Variants in SLC44A5 observed in about 807,000 individuals in gnomAD.
SLC44A5 encodes the protein solute carrier family 44 member 5.
SLC44A5 carries 57 observed loss-of-function variants against 101.8 expected under a neutral mutation model. That is an observed-to-expected ratio of 0.56 (90% CI 0.45 to 0.70). The LOEUF (loss-of-function observed/expected upper bound fraction) is 0.70. Ranked by LOEUF, SLC44A5 falls within the 30% of genes least tolerant of loss-of-function variation. SLC44A5 has a pLI of 0.00. For synonymous variants in SLC44A5, 281 were observed against 290.9 expected (o/e 0.97, Z 0.35); for missense variants, 737 against 853.1 (o/e 0.86, Z 1.70).
intron 3 of SLC44A5, among the ~76,000 whole-genome samples, chr1:75,366,746 G>A (rs1659886344): frequency 6.6e-6 from 1 of 151,884 alleles, no homozygotes; most frequent in Non-Finnish European, 1.5e-5. Context: ...CCTCTAACCA[G>A]GTAATTTCAA....
chr1:75,700,740 C>G, the SLC44A5 span, among the ~76,000 whole-genome samples: 1 of 152,090 alleles, frequency 6.6e-6, no homozygotes, highest in South Asian at 2.1e-4. Flanking sequence ...AAAAGATCAA[C>G]AAAATTGATA....
the SLC44A5 span, among the ~76,000 whole-genome samples, chr1:75,696,165 G>A: frequency 3.3e-5 from 5 of 152,030 alleles, no homozygotes; most frequent in Admixed American, 2.0e-4. Flanking sequence ...TTCTCACTCC[G>A]GGACTTAGGC....
chr1:75,275,146 C>G, intron 5 of SLC44A5, 104 bp from the exon 6 acceptor site: 1 of 730,168 alleles, frequency 1.4e-6, no homozygotes, highest in Non-Finnish European at 2.4e-6. Flanking sequence ...AACCTCTCCC[C>G]TCAGTCACAG....
intron 3 of SLC44A5, among the ~76,000 whole-genome samples, chr1:75,376,375 C>A (rs546048943): frequency 6.6e-6 from 1 of 152,316 alleles, no homozygotes; most frequent in South Asian, 2.1e-4. Context: ...GGCTCCACCC[C>A]TGGGGGCAGG....
chr1:75,399,020 C>T (rs1662307514), intron 2 of SLC44A5, among the ~76,000 whole-genome samples: 1 of 151,810 alleles, frequency 6.6e-6, no homozygotes, highest in African/African-American at 2.4e-5. Context: ...ATTGCTGGGC[C>T]TTTTACCACA....
chr1:75,531,501 T>G (rs1387925755), intron 2 of SLC44A5, among the ~76,000 whole-genome samples: 5 of 152,158 alleles, frequency 3.3e-5, no homozygotes, highest in African/African-American at 9.7e-5. Context: ...TTTCTTAAAC[T>G]TCTACATGCA....
intron 2 of SLC44A5, among the ~76,000 whole-genome samples, chr1:75,401,653 G>C (rs936579980): frequency 3.3e-5 from 5 of 152,092 alleles, no homozygotes; most frequent in Middle Eastern, 3.2e-3. Context: ...AGTGGGATGG[G>C]AAGGAGAATG....
At chr1:75,576,480 A>AT (rs1673373674) in intron 1 of SLC44A5, among the ~76,000 whole-genome samples, 2 of 115,508 alleles carry the variant, frequency 1.7e-5, no homozygotes, top group South Asian at 3.4e-4. Context: ...CGCCCGGCTA[A>AT]TTTTTTTGTA....
At chr1:75,369,557 A>C (rs1660093073) in intron 3 of SLC44A5, among the ~76,000 whole-genome samples, 1 of 152,176 alleles carries the variant, frequency 6.6e-6, no homozygotes. Context: ...CATGATAGAA[A>C]TTTCATTTTG....
chr1:75,345,133 CTTAGA>C (rs1424398862), intron 3 of SLC44A5, among the ~76,000 whole-genome samples: 3 of 150,962 alleles, frequency 2.0e-5, no homozygotes, highest in African/African-American at 5.0e-5. Context: ...TAAATTTCAA[CTTAGA>C]TTAAAGGAAG....
intron 4 of SLC44A5, among the ~76,000 whole-genome samples, chr1:75,331,850 C>T (rs931219577): frequency 6.6e-6 from 1 of 152,166 alleles, no homozygotes; most frequent in Non-Finnish European, 1.5e-5. Flanking sequence ...CTCTGCCTGA[C>T]TTACTCCTCT....
chr1:75,486,304 T>G (rs1182367884), intron 2 of SLC44A5, among the ~76,000 whole-genome samples: 1 of 152,138 alleles, frequency 6.6e-6, no homozygotes, highest in Non-Finnish European at 1.5e-5. Context: ...CCAAGATAAC[T>G]TCTGTTTGAA....
At chr1:75,384,458 G>T (rs1318473017) in intron 3 of SLC44A5, among the ~76,000 whole-genome samples, 3 of 132,900 alleles carry the variant, frequency 2.3e-5, no homozygotes, top group African/African-American at 8.6e-5. Flanking sequence ...AAGAGACAAA[G>T]AAGGCCATTA....
intron 18 of SLC44A5, 72 bp downstream of exon 18, chr1:75,217,793 TA>T: frequency 1.1e-6 from 1 of 950,508 alleles, no homozygotes; most frequent in Non-Finnish European, 1.7e-6. Context: ...GTCCAAGTTA[TA>T]ATCATCAGGT....
chr1:75,541,577 A>C (rs1671357635), intron 1 of SLC44A5, 61 bp from the exon 2 acceptor site: 1 of 1,149,504 alleles, frequency 8.7e-7, no homozygotes. Flanking sequence ...CTCATTAACA[A>C]CTAACCTTTT....
At chr1:75,530,082 T>C (rs1670636820) in intron 2 of SLC44A5, among the ~76,000 whole-genome samples, 1 of 152,150 alleles carries the variant, frequency 6.6e-6, no homozygotes, top group Non-Finnish European at 1.5e-5. Context: ...GGAGTCTTGC[T>C]CTGTGGCCCA....
chr1:75,318,677 A>G (rs1029855081), intron 4 of SLC44A5, among the ~76,000 whole-genome samples: 3 of 152,148 alleles, frequency 2.0e-5, no homozygotes, highest in African/African-American at 7.2e-5. Flanking sequence ...GTTAACTTAC[A>G]TTGTCCTCTG....
chr1:75,459,243 C>T (rs549845045), intron 2 of SLC44A5, among the ~76,000 whole-genome samples: 105 of 152,182 alleles, frequency 6.9e-4, no homozygotes, highest in African/African-American at 1.9e-3. Context: ...GCCTGTCTTA[C>T]GAAATTGACA....
intron 4 of SLC44A5, among the ~76,000 whole-genome samples, chr1:75,336,811 C>A (rs1271531984): frequency 6.6e-6 from 1 of 152,126 alleles, no homozygotes; most frequent in Non-Finnish European, 1.5e-5. Context: ...CAGTGTCATG[C>A]CCCCTGTAGA....
Sources: allele counts gnomAD v4.1 joint callset (sites outside exome capture counted in the v4.1 genomes callset), GRCh38; gene constraint gnomAD v4.1.1; transcripts MANE v1.5; gene names NCBI Gene and HGNC (gene_info 2026-07-23, HGNC 2026-07-21).